RPN1: variants seen among roughly 807,000 people sequenced by gnomAD.
The protein encoded by RPN1 is ribophorin I, also known as dolichyl-diphosphooligosaccharide--protein glycosyltransferase subunit 1.
Under a neutral mutation model 55.5 loss-of-function variants are expected in RPN1, and 12 were observed. The ratio of observed to expected loss-of-function variants is 0.22; its 90% CI spans 0.14 to 0.35. RPN1 has a LOEUF of 0.35. RPN1 is among the 10% of genes least tolerant of loss of function. RPN1 has a pLI of 1.00. For missense variants in RPN1, 679 were observed against 761.3 expected (o/e 0.89, Z 1.27); for synonymous variants, 317 against 305.9 (o/e 1.04, Z -0.38).
chr3:128,646,987 A>G (rs1484594671), intron 1 of RPN1, among the ~76,000 whole-genome samples: 1 of 151,614 alleles, frequency 6.6e-6, no homozygotes, highest in South Asian at 2.1e-4. Context: ...AAAAAAAAAA[A>G]TGGTTAACAG....
Position 128,644,992 on chromosome 3 carries a change from G to C in RPN1, c.262-9C>G. 6.6e-7 allele frequency: 1 copy of C among 1,515,028 alleles called. No individual in the cohort carries two copies. The highest frequency in any genetic ancestry group is 9.2e-7 in the Non-Finnish European group (1 of 1,090,870). 93.8% of individuals were successfully genotyped at this position (1,515,028 alleles called of 1,614,324 possible). A position where few individuals can be genotyped will look rare whatever the true frequency, so the allele number is the denominator to read the frequency against. ...TCATCTTCTCCCTTTACCTACAACA[G>C]AAAAAGATAGTTTATTATTCATGTC... On this transcript the variant is annotated splice_polypyrimidine_tract_variant and intron_variant, in intron 1 of 9. Coordinates refer to ENST00000296255, the MANE Select transcript of RPN1 (RefSeq NM_002950.4).
intron 3 of RPN1, among the ~76,000 whole-genome samples, chr3:128,633,093 T>G (rs139546505): frequency 5.1e-4 from 77 of 152,330 alleles, no homozygotes; most frequent in African/African-American, 1.6e-3. Flanking sequence ...ATAATCATAT[T>G]TGATAGCATT....
At chr3:128,625,053 C>T (rs532613366) in intron 8 of RPN1, among the ~76,000 whole-genome samples, 14 of 152,254 alleles carry the variant, frequency 9.2e-5, no homozygotes, top group Admixed American at 6.5e-4. Context: ...CTGAGGATAA[C>T]AGCAGTGCAG....
In RPN1 at chr3:128,620,015, T is replaced by TTAA; in HGVS notation, c.*395_*396insTTA. On this transcript the variant is annotated 3_prime_UTR_variant, in exon 10 of 10. Coordinates refer to ENST00000296255, the MANE Select transcript of RPN1 (RefSeq NM_002950.4). Reference sequence around the variant, plus strand: ...TATTTCCATTTGTTCACACACGCTTTAAAAAAAAAAAAAAAAACACATGCA... The same window carrying TTAA: ...TATTTCCATTTGTTCACACACGCTTTTAAAAAAAAAAAAAAAAAAACACATGCA... The TTAA allele has an allele frequency of 5.6e-6, 1 of 178,290 alleles. No homozygotes were observed. The highest frequency in any genetic ancestry group is 1.1e-5 in the Non-Finnish European group (1 of 89,528). 11.0% of individuals were successfully genotyped at this position (178,290 alleles called of 1,614,324 possible).
rs1287117362 is a variant in RPN1, at chr3:128,620,584, T to C, written c.1651A>G (p.Met551Val). 6.2e-7 allele frequency: 1 copy of C among 1,613,312 alleles called. No individual in the cohort carries two copies. The highest frequency in any genetic ancestry group is 1.3e-5 in the African/African-American group (1 of 75,044). Residue 551 changes from methionine to valine, a missense_variant, in exon 10 of 10, where the codon ATG (methionine) becomes GTG (valine). Transcript: ENST00000296255. ...TTGACCTGTGCATCCAGCTTCTGCA[T>C]TTCGCTCACCTGGCCGAGGCAAGAG... is the stretch of plus-strand genomic sequence containing the variant. ...GSDLCDRVSE[M>V]QKLDAQVKEL...
In RPN1 at chr3:128,632,034, T is replaced by G. The variant is rs148220683; in HGVS notation, c.757A>C (p.Thr253Pro). The stretch of plus-strand genomic sequence containing the variant: ...AAAGGCCCCTTAAGCACAGCTCCTG[T>G]GTGCTTTAAGTCCACATTTTCTTCC... ...AVEENVDLKH[T>P]GAVLKGPFSR... The change falls in exon 4 of 10, where the codon ACA (threonine) becomes CCA (proline). Residue 253 changes from threonine to proline, a missense_variant. This residue lies in a region of RPN1 where 352 missense variants were observed against 352.8 expected (regional missense o/e 1.00). Coordinates refer to ENST00000296255, the MANE Select transcript of RPN1 (RefSeq NM_002950.4). The G allele has an allele frequency of 2.5e-4, 400 of 1,614,090 alleles. No individual in the cohort carries two copies. Among genetic ancestry groups the G allele is most frequent in the Non-Finnish European group, 3.2e-4 (381 of 1,180,046 alleles).
intron 2 of RPN1, among the ~76,000 whole-genome samples, chr3:128,641,686 C>T (rs1375397820): frequency 2.0e-5 from 3 of 150,424 alleles, no homozygotes; most frequent in Non-Finnish European, 4.4e-5. Context: ...CTCGGCTCAC[C>T]GGAACCTCTG....
intron 9 of RPN1, 145 bp downstream of exon 9, chr3:128,622,019 G>A (rs577609766): frequency 8.9e-6 from 7 of 789,946 alleles, no homozygotes; most frequent in Non-Finnish European, 1.2e-5. Context: ...ACAAGGACTG[G>A]CACCACATGA....
At chr3:128,637,436 A>G (rs2811492) in intron 3 of RPN1, among the ~76,000 whole-genome samples, 92,741 of 151,806 alleles carry the variant, frequency 0.61, 28,491 homozygotes, top group East Asian at 0.77. Flanking sequence ...AGTTCCAACC[A>G]AGGCCCAACA....
At chr3:128,642,179 G>A (rs2069730322) in intron 2 of RPN1, 1 of 152,182 alleles carries the variant, frequency 6.6e-6, no homozygotes, top group Non-Finnish European at 1.5e-5. Context: ...AATTTTAATA[G>A]CGACTTATTT....
chr3:128,645,024 C>T (rs769451951), intron 1 of RPN1, 41 bp from the exon 2 acceptor site: 11 of 1,224,870 alleles, frequency 9.0e-6, no homozygotes, highest in East Asian at 2.3e-5. Context: ...TGTCTTTTGG[C>T]TTCTAAATTT....
chr3:128,639,784 C>T (rs1645319402), intron 2 of RPN1, among the ~76,000 whole-genome samples: 2 of 151,856 alleles, frequency 1.3e-5, no homozygotes, highest in South Asian at 2.1e-4. Context: ...GAGGGGATTT[C>T]GCCACGTTGG....
chr3:128,627,222 G>A (rs1414208884), intron 5 of RPN1: 2 of 233,872 alleles, frequency 8.6e-6, no homozygotes, highest in South Asian at 6.4e-5. Flanking sequence ...CTAATGGTGA[G>A]TGAAACGGGC....
chr3:128,627,018 G>C (rs919296002), intron 5 of RPN1, 186 bp from the exon 6 acceptor site: 1 of 583,346 alleles, frequency 1.7e-6, no homozygotes, highest in South Asian at 2.0e-5. Flanking sequence ...CAGAGACAGG[G>C]ATGGGGGTCA....
At chr3:128,636,473 A>G (rs2069682785) in intron 3 of RPN1, among the ~76,000 whole-genome samples, 1 of 81,228 alleles carries the variant, frequency 1.2e-5, no homozygotes, top group Non-Finnish European at 2.4e-5. Context: ...AAAAAATAAA[A>G]TAAAATAAAG....
chr3:128,641,936 A>G (rs138207266), intron 2 of RPN1, among the ~76,000 whole-genome samples: 9 of 152,274 alleles, frequency 5.9e-5, no homozygotes, highest in African/African-American at 1.9e-4. Context: ...AGCCATGATC[A>G]TATCAGGTAA....
At position 128,622,371 on chromosome 3, in the gene RPN1, G is replaced by T; in HGVS notation, c.1434C>A (p.Ile478=). 6.2e-7 allele frequency: 1 copy of T among 1,614,182 alleles called. No homozygotes were observed. The highest frequency in any genetic ancestry group is 1.3e-5 in the African/African-American group (1 of 75,054). ...AAEARMKVAC[I]TEQVLTLVNK... ...TGACCAGGGTCAAGACCTGCTCTGT[G>T]ATGCAGGCTACCTTCATCCTGGCTT... The change falls in exon 9 of 10, where the codon ATC becomes ATA. Residue 478 remains isoleucine (I), a synonymous_variant. Transcript: ENST00000296255.
intron 3 of RPN1, among the ~76,000 whole-genome samples, chr3:128,632,546 G>C (rs2069649516): frequency 6.6e-6 from 1 of 152,062 alleles, no homozygotes; most frequent in Admixed American, 6.6e-5. Flanking sequence ...TCTTGTTCAA[G>C]GTCATAAACC....
At chr3:128,643,699 A>G (rs9841996) in intron 2 of RPN1, among the ~76,000 whole-genome samples, 137,478 of 151,832 alleles carry the variant, frequency 0.91, 62,376 homozygotes, top group African/African-American at 0.94. Context: ...GGGAGGCTGC[A>G]CAGGACAATC....
Sources: gnomAD v4.1 joint callset for allele counts (sites outside exome capture counted in the v4.1 genomes callset) on GRCh38, gnomAD v4.1.1 for gene constraint, gnomAD v4.1.1 regional missense constraint, MANE v1.5 for transcripts, NCBI Gene and HGNC (gene_info 2026-07-23, HGNC 2026-07-21) for gene names.